Variants in SSX2IP observed in about 807,000 individuals in gnomAD.
SSX2IP encodes afadin- and alpha-actinin-binding protein.
In SSX2IP, 55 loss-of-function variants were observed where a neutral mutation model predicts 84.9. The observed-to-expected ratio is 0.65, with a 90% CI of 0.52 to 0.81. SSX2IP has a LOEUF of 0.81. Among genes scored for constraint, SSX2IP ranks in the 30% least tolerant of loss-of-function variants. The pLI is 0.00. For synonymous variants in SSX2IP, 239 were observed against 234.7 expected, an observed-to-expected ratio of 1.02 and a Z score of -0.17; for missense variants, 664 against 705.2, an observed-to-expected ratio of 0.94 and a Z score of 0.66.
chr1:84,659,287 G>T (rs757228746), intron 8 of SSX2IP, among the ~76,000 whole-genome samples: 16 of 105,934 alleles, frequency 1.5e-4, no homozygotes, highest in Non-Finnish European at 3.0e-4. Flanking sequence ...GGGAGCAACT[G>T]AGTCTGAAGA....
intron 4 of SSX2IP, among the ~76,000 whole-genome samples, chr1:84,668,046 G>C (rs915746578): frequency 5.9e-5 from 9 of 152,104 alleles, no homozygotes; most frequent in African/African-American, 2.2e-4. Flanking sequence ...TTTCCAGATA[G>C]ATTGGCAACT....
intron 11 of SSX2IP, among the ~76,000 whole-genome samples, chr1:84,652,669 G>A (rs1021238947): frequency 4.6e-5 from 7 of 151,670 alleles, no homozygotes; most frequent in Non-Finnish European, 1.0e-4. Flanking sequence ...GGCAGGGGTT[G>A]CAGTGAGCTG....
intron 1 of SSX2IP, among the ~76,000 whole-genome samples, chr1:84,678,495 T>C (rs1052210470): frequency 1.3e-5 from 2 of 152,238 alleles, no homozygotes; most frequent in Non-Finnish European, 2.9e-5. Context: ...TTGGTTTGTT[T>C]CATCTTTCCC....
rs1385862122 is a variant in SSX2IP at position 84,669,896 on chromosome 1, G to A, written c.214-3C>T. On this transcript the variant is annotated splice_polypyrimidine_tract_variant and splice_region_variant and intron_variant, in intron 3 of 13. Coordinates refer to ENST00000342203, the MANE Select transcript of SSX2IP (RefSeq NM_001166293.2). ...GGAAAACCAAAAGTAGTCAATTCCTGGTAGGAGAAAATGTTTTCTTAAAGT... is the reference window on the plus strand; with the variant it reads ...GGAAAACCAAAAGTAGTCAATTCCTAGTAGGAGAAAATGTTTTCTTAAAGT... The A allele has an allele frequency of 1.2e-6, 2 of 1,609,668 alleles. No individual in the cohort carries two copies. Among genetic ancestry groups the A allele is most frequent in the Non-Finnish European group, 1.7e-6 (2 of 1,177,464 alleles).
Position 84,655,946 on chromosome 1 carries a change from C to A in SSX2IP, c.1275G>T (p.Leu425Phe). The A allele has an allele frequency of 1.2e-6, 2 of 1,613,782 alleles. No homozygotes were observed. Among genetic ancestry groups the A allele is most frequent in the Non-Finnish European group, 1.7e-6 (2 of 1,179,916 alleles). Reference protein sequence around the residue: ...DTTSLLRDCYLLEEKERLKEE... With the variant: ...DTTSLLRDCYFLEEKERLKEE... The stretch of plus-strand genomic sequence containing the variant: ...CTTTGAGACGTTCCTTTTCTTCCAA[C>A]AAATAACAGTCTCGTAATAGTGAAG... Residue 425 changes from leucine to phenylalanine, a missense_variant, in exon 11 of 14, where the codon TTG (leucine) becomes TTT (phenylalanine). Coordinates refer to ENST00000342203, the MANE Select transcript of SSX2IP (RefSeq NM_001166293.2).
intron 11 of SSX2IP, 65 bp from the exon 12 acceptor site, chr1:84,652,062 T>C: frequency 8.5e-7 from 1 of 1,175,064 alleles, no homozygotes; most frequent in East Asian, 2.4e-5. Flanking sequence ...CCATTTCACA[T>C]GATTGCTCTA....
intron 4 of SSX2IP, among the ~76,000 whole-genome samples, chr1:84,667,745 A>G (rs999696504): frequency 1.9e-4 from 29 of 152,106 alleles, no homozygotes; most frequent in African/African-American, 7.0e-4. Flanking sequence ...ACGCATTTAC[A>G]CAAGTCATAT....
chr1:84,643,855 G>T lies in SSX2IP; in HGVS notation c.*3578C>A, dbSNP rs912425446. The stretch of plus-strand genomic sequence containing the variant: ...TGTCACTGACATTACAGTACTTCCT[G>T]AGCTCTCAGGAATCCATTATTTGTA... On this transcript the variant is annotated 3_prime_UTR_variant, in exon 14 of 14. Coordinates refer to ENST00000342203, the MANE Select transcript of SSX2IP (RefSeq NM_001166293.2). 1 of 152,020 alleles carries T rather than the reference G, an allele frequency of 6.6e-6. No individual in the cohort carries two copies. Among genetic ancestry groups the T allele is most frequent in the Admixed American group, 6.6e-5 (1 of 15,254 alleles). The allele number at this position is 152,020 out of a possible 1,614,324, so 9.4% of individuals were successfully genotyped here.
chr1:84,658,211 G>A, intron 9 of SSX2IP, 107 bp downstream of exon 9: 2 of 1,217,120 alleles, frequency 1.6e-6, no homozygotes, highest in South Asian at 1.5e-5. Flanking sequence ...CCAAACTGAA[G>A]TATAGTACTT....
At chr1:84,659,648 AT>A (rs1387712741) in intron 8 of SSX2IP, among the ~76,000 whole-genome samples, 3 of 151,848 alleles carry the variant, frequency 2.0e-5, no homozygotes, top group Non-Finnish European at 2.9e-5. Flanking sequence ...AAATACAAAA[AT>A]TAGTTGGGCG....
In SSX2IP at chr1:84,662,229, G is replaced by C; in HGVS notation, c.896C>G (p.Pro299Arg). Residue 299 changes from proline to arginine, a missense_variant, in exon 8 of 14, where the codon CCT becomes CGT. Physicochemically the swap from Pro to Arg is moderately radical, Grantham distance 103 (BLOSUM62 -2). Transcript: ENST00000342203. ...ISLLSPQKKKPRERVDDSTGT... is the reference protein window; with the variant it reads ...ISLLSPQKKKRRERVDDSTGT... The stretch of plus-strand genomic sequence containing the variant: ...TGTACTATCATCTACTCTTTCTCTA[G>C]GTTTCTTCTTTTGGGGAGAAAGAAG... 6.2e-7 allele frequency: 1 copy of C among 1,603,684 alleles called. No individual in the cohort carries two copies. Among genetic ancestry groups the C allele is most frequent in the Non-Finnish European group, 8.5e-7 (1 of 1,176,502 alleles).
At chr1:84,685,680 A>G (rs1258248236) in intron 1 of SSX2IP, among the ~76,000 whole-genome samples, 4 of 152,224 alleles carry the variant, frequency 2.6e-5, no homozygotes, top group Non-Finnish European at 5.9e-5. Flanking sequence ...ACATTCAACA[A>G]ATATGCTGAG....
intron 8 of SSX2IP, among the ~76,000 whole-genome samples, chr1:84,660,642 G>A (rs1267120708): frequency 1.3e-5 from 2 of 152,014 alleles, no homozygotes; most frequent in Non-Finnish European, 2.9e-5. Flanking sequence ...GTGCATGCCT[G>A]TAATCCCAGC....
chr1:84,678,997 C>T (rs552725320), intron 1 of SSX2IP, among the ~76,000 whole-genome samples: 52 of 152,278 alleles, frequency 3.4e-4, no homozygotes, highest in African/African-American at 1.3e-3. Flanking sequence ...GAATTTTTCA[C>T]AAATAGAGCT....
Position 84,663,008 on chromosome 1 carries a change from C to T in SSX2IP, c.674-478G>A, listed in dbSNP as rs150687482. Among the ~76,000 whole-genome samples the T allele has an allele frequency of 1.8e-3, 281 of 152,180 alleles. 2 individuals carry two copies. Among genetic ancestry groups the T allele is most frequent in the African/African-American group, 6.4e-3 (265 of 41,516 alleles). On this transcript the variant is annotated intron_variant, in intron 6 of 13. Transcript: ENST00000342203. ...CTGCCTATGGCTACTTTTCTTGTTA[C>T]AATGGCAGAGATAAGTAGGTGCAAC... is the stretch of plus-strand genomic sequence containing the variant.
chr1:84,662,602 T>G, intron 6 of SSX2IP, 72 bp from the exon 7 acceptor site: 1 of 1,489,018 alleles, frequency 6.7e-7, no homozygotes, highest in South Asian at 1.2e-5. Context: ...ATGCATTCTA[T>G]ACACGTAAGT....
chr1:84,645,229 GAGT>G lies in SSX2IP; in HGVS notation c.*2201_*2203del, dbSNP rs1649327492. The G allele has an allele frequency of 6.6e-6, 1 of 152,148 alleles. No homozygotes were observed. The allele number at this position is 152,148 out of a possible 1,614,324, so 9.4% of individuals were successfully genotyped here. On this transcript the variant is annotated 3_prime_UTR_variant, in exon 14 of 14. Coordinates refer to ENST00000342203, the MANE Select transcript of SSX2IP (RefSeq NM_001166293.2). ...AAAGAGATGGGAAACAAAATCCCAG[GAGT>G]TTTGTGTGTGGAGTCCTGGGTTTTC... is the stretch of plus-strand genomic sequence containing the variant.
At chr1:84,684,119 C>G (rs1348300103) in intron 1 of SSX2IP, among the ~76,000 whole-genome samples, 1 of 152,152 alleles carries the variant, frequency 6.6e-6, no homozygotes, top group Admixed American at 6.5e-5. Context: ...ATCTACTCAT[C>G]GTTTTTTCAA....
At chr1:84,670,141 T>C (rs533540755) in intron 3 of SSX2IP, 13 of 273,568 alleles carry the variant, frequency 4.8e-5, no homozygotes, top group Admixed American at 9.9e-5. Flanking sequence ...TGAAACATCA[T>C]GTTGAACATG....
Sources: allele counts gnomAD v4.1 joint callset (sites outside exome capture counted in the v4.1 genomes callset), GRCh38; gene constraint gnomAD v4.1.1; transcripts MANE v1.5; gene names NCBI Gene and HGNC (gene_info 2026-07-23, HGNC 2026-07-21).